RAB3C: variants seen among roughly 807,000 people sequenced by gnomAD.
The protein encoded by RAB3C is RAB3C, member RAS oncogene family, also known as ras-related protein Rab-3C.
RAB3C carries 17 observed loss-of-function variants against 26.4 expected under a neutral mutation model. That is an observed-to-expected ratio of 0.64 (90% CI 0.44 to 0.97). The LOEUF is 0.97. Among genes scored for constraint, RAB3C ranks in the 50% least tolerant of loss-of-function variants. The pLI, the probability that RAB3C is intolerant of heterozygous loss-of-function variation, is 0.00. For synonymous variants in RAB3C, 91 were observed against 95.9 expected (o/e 0.95, Z 0.30); for missense variants, 242 against 281.9 (o/e 0.86, Z 1.01).
At chr5:58,660,056 C>T (rs566180767) in intron 2 of RAB3C, among the ~76,000 whole-genome samples, 21 of 142,400 alleles carry the variant, frequency 1.5e-4, no homozygotes, top group African/African-American at 4.0e-4. Context: ...CCGCCCGCCT[C>T]GGCCTCCCAA....
intron 3 of RAB3C, among the ~76,000 whole-genome samples, chr5:58,727,269 CT>C (rs1419710151): frequency 6.6e-6 from 1 of 151,690 alleles, no homozygotes; most frequent in African/African-American, 2.4e-5. Context: ...AGGAAGACTT[CT>C]TATTTACACA....
At chr5:58,838,674 G>T (rs1336838288) in intron 4 of RAB3C, among the ~76,000 whole-genome samples, 1 of 152,138 alleles carries the variant, frequency 6.6e-6, no homozygotes, top group Non-Finnish European at 1.5e-5. Flanking sequence ...TGCAGCTGTT[G>T]TGTGAGATGT....
intron 2 of RAB3C, among the ~76,000 whole-genome samples, chr5:58,683,816 T>G (rs1474874784): frequency 6.6e-6 from 1 of 152,200 alleles, no homozygotes; most frequent in Non-Finnish European, 1.5e-5. Flanking sequence ...CTACTGTGGT[T>G]ATCAGATCAA....
At chr5:58,778,330 T>C (rs1282886891) in intron 3 of RAB3C, among the ~76,000 whole-genome samples, 2 of 152,158 alleles carry the variant, frequency 1.3e-5, no homozygotes, top group African/African-American at 4.8e-5. Context: ...AACCTCTTGG[T>C]CTAATCAGTT....
At chr5:58,842,168 C>T (rs1743889916) in intron 4 of RAB3C, among the ~76,000 whole-genome samples, 1 of 152,004 alleles carries the variant, frequency 6.6e-6, no homozygotes, top group African/African-American at 2.4e-5. Flanking sequence ...ATGGTTTTAC[C>T]TTGAAATTTT....
At chr5:58,602,795 G>A (rs1036769035) in intron 1 of RAB3C, among the ~76,000 whole-genome samples, 1 of 152,076 alleles carries the variant, frequency 6.6e-6, no homozygotes. Context: ...TCCATTCTGC[G>A]ATTCTGTATC....
At chr5:58,779,566 G>A (rs1353361223) in intron 3 of RAB3C, among the ~76,000 whole-genome samples, 1 of 151,600 alleles carries the variant, frequency 6.6e-6, no homozygotes, top group Non-Finnish European at 1.5e-5. Context: ...TTAAAATTTC[G>A]TTGTAGAGAT....
chr5:58,591,095 A>G (rs974454819), intron 1 of RAB3C, among the ~76,000 whole-genome samples: 6 of 152,188 alleles, frequency 3.9e-5, no homozygotes, highest in Admixed American at 6.5e-5. Flanking sequence ...GTTAAATTCT[A>G]TTGCTACTAT....
intron 2 of RAB3C, among the ~76,000 whole-genome samples, chr5:58,701,440 A>G (rs2111879623): frequency 6.6e-6 from 1 of 152,278 alleles, no homozygotes; most frequent in Admixed American, 6.5e-5. Flanking sequence ...TATCTCTCCC[A>G]GGATATTGCA....
intron 4 of RAB3C, among the ~76,000 whole-genome samples, chr5:58,828,057 C>T (rs758755253): frequency 6.6e-6 from 1 of 152,190 alleles, no homozygotes; most frequent in Non-Finnish European, 1.5e-5. Context: ...ACAACATTTG[C>T]TCATCCTAAT....
chr5:58,849,194 T>A (rs1183510331), intron 4 of RAB3C, among the ~76,000 whole-genome samples: 1 of 152,212 alleles, frequency 6.6e-6, no homozygotes, highest in Non-Finnish European at 1.5e-5. Flanking sequence ...TACTAATAAG[T>A]ACAAGAAGTG....
intron 2 of RAB3C, among the ~76,000 whole-genome samples, chr5:58,699,801 C>G (rs745519184): frequency 6.6e-6 from 1 of 152,196 alleles, no homozygotes; most frequent in East Asian, 1.9e-4. Context: ...CCTTGTCTGC[C>G]GGTTTCTAAG....
intron 2 of RAB3C, among the ~76,000 whole-genome samples, chr5:58,671,737 T>C (rs1159368871): frequency 6.6e-6 from 1 of 152,200 alleles, no homozygotes; most frequent in African/African-American, 2.4e-5. Flanking sequence ...TGACCAAACT[T>C]TGAGGTTGCA....
At chr5:58,717,454 T>C (rs1053521226) in intron 2 of RAB3C, among the ~76,000 whole-genome samples, 1 of 152,090 alleles carries the variant, frequency 6.6e-6, no homozygotes, top group Non-Finnish European at 1.5e-5. Context: ...AGGACAAGCT[T>C]CTGTGTGACA....
Position 58,859,360 on chromosome 5 carries a change from A to T in RAB3C, c.*8009A>T, listed in dbSNP as rs1744333183. 2 of 152,224 alleles carry T rather than the reference A, an allele frequency of 1.3e-5. No homozygotes were observed. 9.4% of individuals were successfully genotyped at this position (152,224 alleles called of 1,614,324 possible). On this transcript the variant is annotated 3_prime_UTR_variant, in exon 5 of 5. Coordinates refer to ENST00000282878, the MANE Select transcript of RAB3C (RefSeq NM_138453.4). ...TTTGAGTTTGTTTTATTTCTTGAAG[A>T]TTACAATAAATATCTAAGAGACTAT...
chr5:58,833,884 T>G (rs1463438711), intron 4 of RAB3C, among the ~76,000 whole-genome samples: 1 of 152,170 alleles, frequency 6.6e-6, no homozygotes, highest in Non-Finnish European at 1.5e-5. Flanking sequence ...AGGAGGACAG[T>G]GGGAATTTGG....
chr5:58,589,184 G>T (rs893446663), intron 1 of RAB3C, among the ~76,000 whole-genome samples: 10 of 152,060 alleles, frequency 6.6e-5, no homozygotes, highest in African/African-American at 2.4e-4. Flanking sequence ...CTATTGATGT[G>T]ATTGTGTGGT....
At chr5:58,669,943 C>G (rs982282861) in intron 2 of RAB3C, among the ~76,000 whole-genome samples, 2 of 152,162 alleles carry the variant, frequency 1.3e-5, no homozygotes, top group African/African-American at 4.8e-5. Context: ...AATCTTGTTT[C>G]GCTCTCATTC....
At chr5:58,831,875 T>C (rs1743620326) in intron 4 of RAB3C, among the ~76,000 whole-genome samples, 2 of 152,142 alleles carry the variant, frequency 1.3e-5, no homozygotes, top group South Asian at 4.1e-4. Context: ...CACATTTCAG[T>C]AGGTTGGGAA....
Sources: allele counts gnomAD v4.1 joint callset (sites outside exome capture counted in the v4.1 genomes callset), GRCh38; gene constraint gnomAD v4.1.1; transcripts MANE v1.5; gene names NCBI Gene and HGNC (gene_info 2026-07-23, HGNC 2026-07-21).